The following MTCL2 variants were observed in gnomAD, a reference collection of about 807,000 sequenced individuals.
The protein encoded by MTCL2 is microtubule cross-linking factor 2.
the MTCL2 span, among the ~76,000 whole-genome samples, chr20:36,813,896 A>C: frequency 0.41 from 61,962 of 151,714 alleles, 13,002 homozygotes; most frequent in East Asian, 0.64. Context: ...CCAGCTTCAC[A>C]TTGTCTCTTC....
At chr20:36,800,692 T>C in the MTCL2 span, among the ~76,000 whole-genome samples, 2 of 152,252 alleles carry the variant, frequency 1.3e-5, no homozygotes, top group Admixed American at 1.3e-4. Flanking sequence ...ATACCTAAGA[T>C]CCATAAACTC....
At chr20:36,850,542 A>G in the MTCL2 span, among the ~76,000 whole-genome samples, 2 of 151,842 alleles carry the variant, frequency 1.3e-5, no homozygotes, top group Non-Finnish European at 2.9e-5. Flanking sequence ...AAAAAAAGAA[A>G]AAAAAAAGCC....
At chr20:36,857,529 A>C in the MTCL2 span, among the ~76,000 whole-genome samples, 4 of 152,224 alleles carry the variant, frequency 2.6e-5, no homozygotes, top group South Asian at 4.1e-4. Context: ...GTATATGTGC[A>C]TTTGTATGTG....
At chr20:36,793,077 G>A in the MTCL2 span, 1 of 797,868 alleles carries the variant, frequency 1.3e-6, no homozygotes. The surrounding 1 kb of genome is among the most constrained non-coding windows in gnomAD (Gnocchi z 6.8). Flanking sequence ...GCCAATTTTT[G>A]TATTTTTAGT....
chr20:36,785,625 C>T, the MTCL2 span: 1 of 985,226 alleles, frequency 1.0e-6, no homozygotes. Context: ...GGGAAAGAGG[C>T]CTCTGAGATC....
the MTCL2 span, among the ~76,000 whole-genome samples, chr20:36,813,313 T>TAAAAAAAA: frequency 7.2e-4 from 30 of 41,896 alleles, 7 homozygotes; most frequent in African/African-American, 2.0e-3. Context: ...ACTGTTTCTT[T>TAAAAAAAA]AAAAAAAAAA....
At chr20:36,817,083 A>G in the MTCL2 span, among the ~76,000 whole-genome samples, 1 of 152,048 alleles carries the variant, frequency 6.6e-6, no homozygotes, top group Admixed American at 6.6e-5. Flanking sequence ...CCTGGTCAAC[A>G]CGGTGAAACC....
the MTCL2 span, chr20:36,815,698 C>T: frequency 1.2e-6 from 2 of 1,604,154 alleles, no homozygotes; most frequent in East Asian, 2.2e-5. This position sits in a 1 kb window ranked among gnomAD's most constrained non-coding sequence, Gnocchi z 5.3. Context: ...CCGCTGAGCT[C>T]GCCGATCTGC....
the MTCL2 span, among the ~76,000 whole-genome samples, chr20:36,837,680 C>T: frequency 1.4e-4 from 21 of 151,708 alleles, no homozygotes; most frequent in African/African-American, 4.6e-4. Context: ...CGGGTTCAAG[C>T]GATTCTCCTG....
chr20:36,787,814 G>A, the MTCL2 span, among the ~76,000 whole-genome samples: 2 of 149,898 alleles, frequency 1.3e-5, no homozygotes, highest in Non-Finnish European at 3.0e-5. Context: ...TAAACCCAGG[G>A]TGCGGAGGTT....
the MTCL2 span, among the ~76,000 whole-genome samples, chr20:36,799,416 C>T: frequency 4.6e-5 from 7 of 152,006 alleles, no homozygotes; most frequent in South Asian, 4.2e-4. Flanking sequence ...CGTTTGAACG[C>T]GGGAGGCAGA....
chr20:36,861,411 C>G, the MTCL2 span, among the ~76,000 whole-genome samples: 2 of 152,182 alleles, frequency 1.3e-5, no homozygotes, highest in Admixed American at 1.3e-4. Context: ...CCTTGTCCTT[C>G]CATACTACAA....
the MTCL2 span, among the ~76,000 whole-genome samples, chr20:36,838,596 A>G: frequency 3.9e-3 from 596 of 152,240 alleles, 4 homozygotes; most frequent in African/African-American, 0.013. Flanking sequence ...TAAAAAAACA[A>G]GAAGAAAAAG....
At chr20:36,798,583 C>T in the MTCL2 span, among the ~76,000 whole-genome samples, 2 of 152,232 alleles carry the variant, frequency 1.3e-5, no homozygotes, top group East Asian at 3.8e-4. Context: ...AGAACCGAAT[C>T]ACTGCCAATG....
the MTCL2 span, among the ~76,000 whole-genome samples, chr20:36,813,752 C>CAAAAAAAAAAAAAAA: frequency 6.1e-5 from 4 of 65,838 alleles, no homozygotes; most frequent in Non-Finnish European, 7.6e-5. Flanking sequence ...GACTCTGTCT[C>CAAAAAAAAAAAAAAA]AAAAAAAAAA....
chr20:36,798,917 A>G, the MTCL2 span, among the ~76,000 whole-genome samples: 2 of 152,168 alleles, frequency 1.3e-5, no homozygotes, highest in African/African-American at 2.4e-5. Flanking sequence ...GGACTATTCT[A>G]GTTTTAAAAG....
chr20:36,794,316 G>A, the MTCL2 span: 2 of 1,568,080 alleles, frequency 1.3e-6, no homozygotes, highest in Non-Finnish European at 1.7e-6. This position sits in a 1 kb window ranked among gnomAD's most constrained non-coding sequence, Gnocchi z 5.4. Flanking sequence ...GCCACCGGGG[G>A]ACTATAGTAG....
At chr20:36,794,381 G>T in the MTCL2 span, 1 of 1,612,524 alleles carries the variant, frequency 6.2e-7, no homozygotes, top group Non-Finnish European at 8.5e-7. This position sits in a 1 kb window ranked among gnomAD's most constrained non-coding sequence, Gnocchi z 5.4. Flanking sequence ...CTGCCTCCCT[G>T]GGGGGTCCTG....
At chr20:36,836,143 G>C in the MTCL2 span, among the ~76,000 whole-genome samples, 1 of 139,468 alleles carries the variant, frequency 7.2e-6, no homozygotes, top group East Asian at 2.2e-4. Flanking sequence ...CTGTCAAGTA[G>C]AGGTACGCTT....
Sources: gnomAD v4.1 joint callset for allele counts (sites outside exome capture counted in the v4.1 genomes callset) on GRCh38, gnomAD v4.1.1 for gene constraint, Gnocchi (gnomAD v3.1) non-coding constraint, MANE v1.5 for transcripts, NCBI Gene and HGNC (gene_info 2026-07-23, HGNC 2026-07-21) for gene names.